PLXDC2: variants seen among roughly 807,000 people sequenced by gnomAD.
PLXDC2 encodes plexin domain-containing protein 2.
PLXDC2 carries 40 observed loss-of-function variants against 68.9 expected under a neutral mutation model. The observed-to-expected ratio is 0.58, with a 90% CI of 0.45 to 0.76. The LOEUF (loss-of-function observed/expected upper bound fraction) is 0.76. Ranked by LOEUF, PLXDC2 falls within the 30% of genes least tolerant of loss-of-function variation. The pLI, the probability that PLXDC2 is intolerant of heterozygous loss-of-function variation, is 0.00. For missense variants in PLXDC2, 644 were observed against 661.9 expected (o/e 0.97, Z 0.30); for synonymous variants, 243 against 234.2 (o/e 1.04, Z -0.34).
intron 1 of PLXDC2, among the ~76,000 whole-genome samples, chr10:19,957,189 T>C (rs1158820145): frequency 6.6e-6 from 1 of 152,192 alleles, no homozygotes; most frequent in African/African-American, 2.4e-5. Context: ...TTCTAGTCTT[T>C]GAACTGGTAC....
intron 4 of PLXDC2, among the ~76,000 whole-genome samples, chr10:20,103,056 G>A (rs746203078): frequency 2.6e-5 from 4 of 152,176 alleles, no homozygotes; most frequent in Non-Finnish European, 5.9e-5. Context: ...TCAAGAAGGC[G>A]ATAACTATGT....
At chr10:20,100,940 A>C (rs1833414191) in intron 4 of PLXDC2, among the ~76,000 whole-genome samples, 1 of 152,294 alleles carries the variant, frequency 6.6e-6, no homozygotes, top group Admixed American at 6.5e-5. Flanking sequence ...TTAAATGACA[A>C]TCACCATATT....
At position 20,147,884 on chromosome 10, in the gene PLXDC2, C is replaced by G. The variant is rs1008381029; in HGVS notation, c.765C>G (p.Ile255Met). 3 of 1,605,182 alleles carry G rather than the reference C, an allele frequency of 1.9e-6. No homozygotes were observed. The highest frequency in any genetic ancestry group is 2.6e-6 in the Non-Finnish European group (3 of 1,171,956). Residue 255 changes from isoleucine to methionine, a missense_variant, in exon 6 of 14, where the codon ATC becomes ATG. Transcript: ENST00000377252. ...FQATLLMDGR[I>M]IFGYKEIPVL... ...CAACCCTGCTCATGGATGGACGAAT[C>G]ATCTTTGGATACAAAGAAGTAAGTG...
At chr10:19,901,586 C>T (rs1275495709) in intron 1 of PLXDC2, among the ~76,000 whole-genome samples, 3 of 151,994 alleles carry the variant, frequency 2.0e-5, no homozygotes, top group Non-Finnish European at 4.4e-5. Context: ...AATCCTTTGT[C>T]GGATGTATAG....
At chr10:20,152,973 G>A (rs968280231) in intron 6 of PLXDC2, among the ~76,000 whole-genome samples, 4 of 152,102 alleles carry the variant, frequency 2.6e-5, no homozygotes, top group Admixed American at 6.6e-5. Context: ...TCAAAGTTGA[G>A]CATCAGTTCT....
intron 2 of PLXDC2, among the ~76,000 whole-genome samples, chr10:20,019,982 A>G (rs1835277157): frequency 6.6e-6 from 1 of 151,994 alleles, no homozygotes; most frequent in South Asian, 2.1e-4. Flanking sequence ...GTACTTTTTA[A>G]AAAAGAAAAC....
At chr10:19,931,597 T>C (rs1833635184) in intron 1 of PLXDC2, among the ~76,000 whole-genome samples, 1 of 152,228 alleles carries the variant, frequency 6.6e-6, no homozygotes, top group Middle Eastern at 3.2e-3. Flanking sequence ...GGTTTGGCCT[T>C]ATGTATATTT....
intron 1 of PLXDC2, among the ~76,000 whole-genome samples, chr10:19,975,089 TTTCTA>T (rs1834426984): frequency 1.3e-5 from 2 of 152,322 alleles, no homozygotes; most frequent in Admixed American, 1.3e-4. Flanking sequence ...TCATGGTATT[TTTCTA>T]CTTATATCTA....
intron 2 of PLXDC2, among the ~76,000 whole-genome samples, chr10:20,027,530 A>G (rs1024081790): frequency 3.9e-5 from 6 of 152,150 alleles, no homozygotes. Context: ...CTTTTTATAA[A>G]TTGCCAAGTC....
intron 9 of PLXDC2, among the ~76,000 whole-genome samples, chr10:20,206,724 G>A (rs1021543694): frequency 6.6e-6 from 1 of 152,096 alleles, no homozygotes; most frequent in African/African-American, 2.4e-5. Context: ...TTAGACCTAT[G>A]AATTTGCATT....
At chr10:19,937,958 G>A (rs1173824299) in intron 1 of PLXDC2, among the ~76,000 whole-genome samples, 1 of 151,966 alleles carries the variant, frequency 6.6e-6, no homozygotes, top group Non-Finnish European at 1.5e-5. Flanking sequence ...ATGGCTTTAG[G>A]CACAGGGTAA....
At chr10:20,172,635 G>A (rs1318527459) in intron 7 of PLXDC2, among the ~76,000 whole-genome samples, 3 of 152,158 alleles carry the variant, frequency 2.0e-5, no homozygotes, top group Non-Finnish European at 4.4e-5. Context: ...AACATTTCAA[G>A]TCCAGGGCAA....
intron 3 of PLXDC2, among the ~76,000 whole-genome samples, chr10:20,048,520 A>G (rs984579544): frequency 2.0e-5 from 3 of 152,156 alleles, no homozygotes; most frequent in African/African-American, 4.8e-5. Context: ...TCTGGGATCT[A>G]TTGCATTTGA....
At chr10:19,847,250 G>A (rs528702923) in intron 1 of PLXDC2, among the ~76,000 whole-genome samples, 47 of 152,260 alleles carry the variant, frequency 3.1e-4, no homozygotes, top group African/African-American at 1.1e-3. Context: ...GTTTGAATGT[G>A]CATGCTTTCT....
chr10:19,836,057 G>C (rs765429306), intron 1 of PLXDC2, among the ~76,000 whole-genome samples: 3 of 151,924 alleles, frequency 2.0e-5, no homozygotes, highest in Non-Finnish European at 4.4e-5. Context: ...CACATCTGTG[G>C]TCCCAGCTAC....
At chr10:20,097,812 A>G (rs1833370962) in intron 4 of PLXDC2, among the ~76,000 whole-genome samples, 1 of 151,742 alleles carries the variant, frequency 6.6e-6, no homozygotes, top group Non-Finnish European at 1.5e-5. Flanking sequence ...AGGAAGAGTT[A>G]TTGCTTTGCT....
At chr10:19,830,612 G>A (rs1440877592) in intron 1 of PLXDC2, among the ~76,000 whole-genome samples, 2 of 152,024 alleles carry the variant, frequency 1.3e-5, no homozygotes, top group South Asian at 2.1e-4. Flanking sequence ...GTTCTCCTGG[G>A]TTTCTTTTAA....
chr10:20,277,636 G>A (rs1182393972), intron 13 of PLXDC2, among the ~76,000 whole-genome samples: 1 of 152,160 alleles, frequency 6.6e-6, no homozygotes, highest in African/African-American at 2.4e-5. Flanking sequence ...GAGAATTTTG[G>A]TGAAGTTGTT....
At chr10:20,025,878 T>C (rs1162101271) in intron 2 of PLXDC2, among the ~76,000 whole-genome samples, 1 of 151,826 alleles carries the variant, frequency 6.6e-6, no homozygotes, top group Non-Finnish European at 1.5e-5. Flanking sequence ...GTAATAATTT[T>C]AATTTTATAT....
Sources: allele counts gnomAD v4.1 joint callset (sites outside exome capture counted in the v4.1 genomes callset), GRCh38; gene constraint gnomAD v4.1.1; transcripts MANE v1.5; gene names NCBI Gene and HGNC (gene_info 2026-07-23, HGNC 2026-07-21).